Variants in PIEZO2 observed in about 807,000 individuals in gnomAD.
PIEZO2 encodes piezo-type mechanosensitive ion channel component 2.
A neutral mutation model predicts 337.3 loss-of-function variants in PIEZO2; 172 were observed. That is an observed-to-expected ratio of 0.51 (90% CI 0.45 to 0.58). PIEZO2 has a LOEUF of 0.58. Among genes scored for constraint, PIEZO2 ranks in the 20% least tolerant of loss-of-function variants. The pLI is 0.00. For missense variants in PIEZO2, 3,028 were observed against 3,391.3 expected (o/e 0.89, Z 2.66); for synonymous variants, 1,251 against 1,228.5 (o/e 1.02, Z -0.38).
chr18:10,798,182 C>T (rs2144245651), intron 11 of PIEZO2, among the ~76,000 whole-genome samples: 1 of 152,342 alleles, frequency 6.6e-6, no homozygotes, highest in East Asian at 1.9e-4. Context: ...AACCTTGAGC[C>T]AGAGGAACCA....
chr18:10,965,026 A>AT (rs2033939642), intron 3 of PIEZO2, among the ~76,000 whole-genome samples: 1 of 152,104 alleles, frequency 6.6e-6, no homozygotes, highest in Non-Finnish European at 1.5e-5. Context: ...TTTCTAATCT[A>AT]TTTTTTCTAT....
intron 36 of PIEZO2, among the ~76,000 whole-genome samples, chr18:10,719,542 C>G (rs78156725): frequency 0.045 from 6,896 of 152,220 alleles, 513 homozygotes; most frequent in African/African-American, 0.16. Flanking sequence ...TTTTATGGCA[C>G]AGTAGTATTC....
Position 10,760,919 on chromosome 18 carries a change from C to T in PIEZO2, c.3442G>A (p.Gly1148Ser). The change falls in exon 24 of 56, where the codon GGT becomes AGT. Residue 1148 changes from glycine to serine, a missense_variant. Coordinates refer to ENST00000674853, the MANE Select transcript of PIEZO2 (RefSeq NM_001378183.1). ...YFINYFFYKF[G>S]LETCFLMSVN... ...TCAGCAAGGAAACTCACCTCCAGAC[C>T]AAACTTGTAAAAGAAGTAATTAATG... 6.5e-7 allele frequency: 1 copy of T among 1,530,278 alleles called. No homozygotes were observed. Among genetic ancestry groups the T allele is most frequent in the Non-Finnish European group, 8.8e-7 (1 of 1,141,796 alleles). The allele number at this position is 1,530,278 out of a possible 1,614,324, so 94.8% of individuals were successfully genotyped here.
rs748853710 is a variant in PIEZO2, at chr18:10,784,678, C to T, written c.2492+106G>A. 102 of 1,135,030 alleles carry T rather than the reference C, an allele frequency of 9.0e-5. No homozygotes were observed. The highest frequency in any genetic ancestry group is 1.0e-4 in the Non-Finnish European group (87 of 838,220). 70.3% of individuals were successfully genotyped at this position (1,135,030 alleles called of 1,614,324 possible). On this transcript the variant is annotated intron_variant, in intron 17 of 55. Coordinates refer to ENST00000674853, the MANE Select transcript of PIEZO2 (RefSeq NM_001378183.1). The surrounding 1 kb of genome is among the most constrained non-coding windows in gnomAD (Gnocchi z 4.5). ...GCTGATACTCATGGAAAATTCAAGG[C>T]TGAAACTTTTAGATTACTGGCTTCT...
In PIEZO2 at chr18:11,047,689, T is replaced by C. The variant is rs561712940; in HGVS notation, c.160+18438A>G. 3.9e-5 allele frequency among the ~76,000 whole-genome samples: 6 copies of C among 152,238 alleles called. No homozygotes were observed. Among genetic ancestry groups the C allele is most frequent in the Non-Finnish European group, 8.8e-5 (6 of 68,012 alleles). ...CACGGGGGGAATCTGGGGAGAGCACTACAGCAGCCACCACACTGGGAGTTA... is the reference window on the plus strand; with the variant it reads ...CACGGGGGGAATCTGGGGAGAGCACCACAGCAGCCACCACACTGGGAGTTA... On this transcript the variant is annotated intron_variant, in intron 2 of 55. Transcript: ENST00000674853. The surrounding 1 kb of genome is among the most constrained non-coding windows in gnomAD (Gnocchi z 7.2).
intron 4 of PIEZO2, among the ~76,000 whole-genome samples, chr18:10,896,079 CG>C (rs1221375841): frequency 4.2e-5 from 6 of 142,106 alleles, no homozygotes; most frequent in Non-Finnish European, 9.2e-5. Flanking sequence ...AAAACAAAAA[CG>C]AAAAAAAAAA....
At chr18:10,700,146 T>C (rs1236866350) in intron 43 of PIEZO2, among the ~76,000 whole-genome samples, 1 of 152,222 alleles carries the variant, frequency 6.6e-6, no homozygotes, top group Non-Finnish European at 1.5e-5. Context: ...ATTTTAAGAG[T>C]TGTTTCCTCT....
rs958038850 is a variant in PIEZO2, at chr18:11,094,160, A to T, written c.65-27938T>A. On this transcript the variant is annotated intron_variant, in intron 1 of 55. Transcript: ENST00000674853. The surrounding 1 kb of genome is among the most constrained non-coding windows in gnomAD (Gnocchi z 4.4). The stretch of plus-strand genomic sequence containing the variant: ...CGCCCAGCTAATTTTTCTATTTTTA[A>T]TAGAGACCAGGTTTCATCATGTTGG... Among the ~76,000 whole-genome samples the T allele has an allele frequency of 1.3e-5, 2 of 151,910 alleles. No homozygotes were observed.
chr18:10,932,933 T>TAA (rs755073723), intron 3 of PIEZO2, among the ~76,000 whole-genome samples: 3 of 138,384 alleles, frequency 2.2e-5, no homozygotes, highest in African/African-American at 5.3e-5. Context: ...CTAAAAAAGG[T>TAA]AAAAAAAAAA....
chr18:11,125,823 T>G lies in PIEZO2; in HGVS notation c.64+22702A>C, dbSNP rs1184919067. On this transcript the variant is annotated intron_variant, in intron 1 of 55. Transcript: ENST00000674853. The surrounding 1 kb of genome is among the most constrained non-coding windows in gnomAD (Gnocchi z 4.4). ...CAGCATTGGCTTTCATCAATTTGAT[T>G]GTATGAAGTGGCTGAGTGAGTCTGA... is the stretch of plus-strand genomic sequence containing the variant. Among the ~76,000 whole-genome samples the G allele has an allele frequency of 6.6e-6, 1 of 152,176 alleles. No individual in the cohort carries two copies. The highest frequency in any genetic ancestry group is 2.4e-5 in the African/African-American group (1 of 41,436).
intron 7 of PIEZO2, among the ~76,000 whole-genome samples, chr18:10,818,691 T>C (rs1247848521): frequency 1.3e-5 from 2 of 152,210 alleles, no homozygotes; most frequent in African/African-American, 2.4e-5. Context: ...GTAAATAAGA[T>C]ATGAGTTTGG....
Position 10,854,467 on chromosome 18 carries a change from T to C in PIEZO2, c.917+886A>G, listed in dbSNP as rs2041646411. Among the ~76,000 whole-genome samples the C allele has an allele frequency of 6.6e-6, 1 of 152,228 alleles. No individual in the cohort carries two copies. The highest frequency in any genetic ancestry group is 6.5e-5 in the Admixed American group (1 of 15,288). On this transcript the variant is annotated intron_variant, in intron 7 of 55. Transcript: ENST00000674853. This position sits in a 1 kb window ranked among gnomAD's most constrained non-coding sequence, Gnocchi z 4.6. ...CATATCATTAAGGATTGATGAATAG[T>C]AATTCTCTAATTCTATTATTCCTTT...
chr18:11,052,909 TC>T (rs1303070453), intron 2 of PIEZO2, among the ~76,000 whole-genome samples: 1 of 152,218 alleles, frequency 6.6e-6, no homozygotes, highest in African/African-American at 2.4e-5. Flanking sequence ...TGGTGATGTA[TC>T]AGCCAACAAG....
At position 11,146,460 on chromosome 18, in the gene PIEZO2, C is replaced by T. The variant is rs559953772; in HGVS notation, c.64+2065G>A. Among the ~76,000 whole-genome samples, 1 of 152,136 alleles carries T rather than the reference C, an allele frequency of 6.6e-6. No individual in the cohort carries two copies. The highest frequency in any genetic ancestry group is 1.5e-5 in the Non-Finnish European group (1 of 68,014). On this transcript the variant is annotated intron_variant, in intron 1 of 55. Coordinates refer to ENST00000674853, the MANE Select transcript of PIEZO2 (RefSeq NM_001378183.1). This position sits in a 1 kb window ranked among gnomAD's most constrained non-coding sequence, Gnocchi z 6.1. ...AGTCCCCCCACCTCCACCCTGGCTG[C>T]GAGTCACCGCCCCGAGCCCCTGTGC...
At position 10,803,945 on chromosome 18, in the gene PIEZO2, G is replaced by C; in HGVS notation, c.1130C>G (p.Pro377Arg). 6.5e-7 allele frequency: 1 copy of C among 1,537,324 alleles called. No individual in the cohort carries two copies. The highest frequency in any genetic ancestry group is 8.7e-7 in the Non-Finnish European group (1 of 1,146,934). Residue 377 changes from proline (P) to arginine (R), a missense_variant, in exon 9 of 56, where the codon CCC becomes CGC. Pro to Arg is a moderately radical substitution (Grantham distance 103, BLOSUM62 -2). Transcript: ENST00000674853. ...KEEDKALACS[P>R]IQITAGRRRS... ...CCTCCTCCCCGCTGTTATTTGGATGGGGCTACAAGCCAGGGCTTTGTCCTC... is the reference window on the plus strand; with the variant it reads ...CCTCCTCCCCGCTGTTATTTGGATGCGGCTACAAGCCAGGGCTTTGTCCTC...
At position 10,673,234 on chromosome 18, in the gene PIEZO2, A is replaced by G. The variant is rs1358943438; in HGVS notation, c.8162-361T>C. Among the ~76,000 whole-genome samples, 1 of 152,358 alleles carries G rather than the reference A, an allele frequency of 6.6e-6. No homozygotes were observed. Among genetic ancestry groups the G allele is most frequent in the East Asian group, 1.9e-4 (1 of 5,188 alleles). On this transcript the variant is annotated intron_variant, in intron 54 of 55. Coordinates refer to ENST00000674853, the MANE Select transcript of PIEZO2 (RefSeq NM_001378183.1). The surrounding 1 kb of genome is among the most constrained non-coding windows in gnomAD (Gnocchi z 4.8). ...TGTGATCAAATCAACCAGTCCATTC[A>G]TATTACCAGCATTTGTTGCATGTCT...
chr18:10,822,721 C>A (rs1407752416), intron 7 of PIEZO2, among the ~76,000 whole-genome samples: 1 of 152,152 alleles, frequency 6.6e-6, no homozygotes, highest in Admixed American at 6.6e-5. Flanking sequence ...ATCAATGCTT[C>A]TCTTTGCAAT....
intron 5 of PIEZO2, among the ~76,000 whole-genome samples, chr18:10,868,637 A>G (rs1315217878): frequency 6.6e-6 from 1 of 152,204 alleles, no homozygotes; most frequent in Non-Finnish European, 1.5e-5. Flanking sequence ...TCTTATTGTT[A>G]TCTTTAAATA....
At chr18:11,046,244 T>C (rs149032853) in intron 2 of PIEZO2, among the ~76,000 whole-genome samples, 5 of 152,276 alleles carry the variant, frequency 3.3e-5, no homozygotes, top group Non-Finnish European at 5.9e-5. Flanking sequence ...ATGAGCAACA[T>C]ATGGTTGAAT....
Sources: gnomAD v4.1 joint callset for allele counts (sites outside exome capture counted in the v4.1 genomes callset) on GRCh38, gnomAD v4.1.1 for gene constraint, Gnocchi (gnomAD v3.1) non-coding constraint, MANE v1.5 for transcripts, NCBI Gene and HGNC (gene_info 2026-07-23, HGNC 2026-07-21) for gene names.